Variants in RAB11FIP3 observed in about 807,000 individuals in gnomAD.
RAB11FIP3 encodes rab11 family-interacting protein 3.
RAB11FIP3 carries 17 observed loss-of-function variants against 77.8 expected under a neutral mutation model. The observed-to-expected ratio is 0.22, with a 90% CI of 0.15 to 0.33. The LOEUF (loss-of-function observed/expected upper bound fraction) is 0.33. RAB11FIP3 is among the 10% of genes least tolerant of loss of function. RAB11FIP3 has a pLI of 1.00. For missense variants in RAB11FIP3, 1,005 were observed against 1,011.2 expected (o/e 0.99, Z 0.08); for synonymous variants, 437 against 448.2 (o/e 0.98, Z 0.31).
chr16:494,931 T>G, intron 5 of RAB11FIP3, among the ~76,000 whole-genome samples: 3 of 133,860 alleles, frequency 2.2e-5, no homozygotes, highest in Non-Finnish European at 3.1e-5. Flanking sequence ...GCTGCTGAGG[T>G]GGGAGGATCA....
intron 1 of RAB11FIP3, among the ~76,000 whole-genome samples, chr16:447,978 T>C (rs1048243797): frequency 7.7e-6 from 1 of 130,470 alleles, no homozygotes; most frequent in Non-Finnish European, 1.8e-5. Flanking sequence ...GGAACAAAAT[T>C]AAAAAAGGAA....
intron 1 of RAB11FIP3, among the ~76,000 whole-genome samples, chr16:449,337 G>C (rs537202274): frequency 6.6e-6 from 1 of 152,312 alleles, no homozygotes; most frequent in African/African-American, 2.4e-5. Flanking sequence ...TGAGGTTATA[G>C]AACTGAGGAC....
At chr16:499,703 TAGG>T (rs2031382416) in intron 6 of RAB11FIP3, among the ~76,000 whole-genome samples, 1 of 145,852 alleles carries the variant, frequency 6.9e-6, no homozygotes, top group African/African-American at 2.6e-5. Flanking sequence ...GAGCCTGAGG[TAGG>T]AGAACTGCTT....
At chr16:469,296 G>A (rs1018743405) in intron 2 of RAB11FIP3, among the ~76,000 whole-genome samples, 66 of 152,022 alleles carry the variant, frequency 4.3e-4, no homozygotes, top group African/African-American at 1.6e-3. Context: ...CTATGGTCTC[G>A]AACTCCTGAA....
chr16:431,037 T>G (rs889757034), intron 1 of RAB11FIP3, among the ~76,000 whole-genome samples: 3 of 152,122 alleles, frequency 2.0e-5, no homozygotes, highest in African/African-American at 7.2e-5. Context: ...CTCTTAGCCT[T>G]GAATTTGAGT....
Position 488,848 on chromosome 16 carries a change from C to G in RAB11FIP3, c.1116-3C>G. ...AAGACATCATTTCTGTTTTACTTTG[C>G]AGGCCTCACCCCCATGGCCAGTCTG... On this transcript the variant is annotated splice_region_variant and splice_polypyrimidine_tract_variant and intron_variant, in intron 4 of 13. Coordinates refer to ENST00000262305, the MANE Select transcript of RAB11FIP3 (RefSeq NM_014700.4). 1.2e-6 allele frequency: 2 copies of G among 1,613,018 alleles called. No individual in the cohort carries two copies. Among genetic ancestry groups the G allele is most frequent in the Non-Finnish European group, 1.7e-6 (2 of 1,179,420 alleles).
rs537315329 is a variant in RAB11FIP3, at chr16:471,934, G to A, written c.903+545G>A. 5.5e-4 allele frequency among the ~76,000 whole-genome samples: 84 copies of A among 152,276 alleles called. No homozygotes were observed. Among genetic ancestry groups the A allele is most frequent in the Non-Finnish European group, 9.3e-4 (63 of 68,016 alleles). ...GAGCGTAACCATGTCCGCCGGTCTG[G>A]AGGGTTAGATTCCAGGAGAGCCACG... On this transcript the variant is annotated intron_variant, in intron 3 of 13. Coordinates refer to ENST00000262305, the MANE Select transcript of RAB11FIP3 (RefSeq NM_014700.4). The surrounding 1 kb of genome is among the most constrained non-coding windows in gnomAD (Gnocchi z 4.4).
chr16:467,679 C>A (rs1378364667), intron 2 of RAB11FIP3, among the ~76,000 whole-genome samples: 5 of 74,842 alleles, frequency 6.7e-5, no homozygotes, highest in African/African-American at 1.7e-4. Context: ...GGTGCAGGGG[C>A]GTCAGGGAGG....
At position 506,342 on chromosome 16, in the gene RAB11FIP3, C is replaced by T. The variant is rs573097158; in HGVS notation, c.1499+715C>T. 6.6e-6 allele frequency among the ~76,000 whole-genome samples: 1 copy of T among 152,284 alleles called. No individual in the cohort carries two copies. The highest frequency in any genetic ancestry group is 1.9e-4 in the East Asian group (1 of 5,170). The stretch of plus-strand genomic sequence containing the variant: ...GCTACCCAGGCTATGACACCTGTAG[C>T]TGGGCACCGGCAGCCTCTTGTGGGC... On this transcript the variant is annotated intron_variant, in intron 8 of 13. Coordinates refer to ENST00000262305, the MANE Select transcript of RAB11FIP3 (RefSeq NM_014700.4). This position sits in a 1 kb window ranked among gnomAD's most constrained non-coding sequence, Gnocchi z 4.5.
chr16:464,631 C>T lies in RAB11FIP3; in HGVS notation c.808+3134C>T, dbSNP rs114002680. On this transcript the variant is annotated intron_variant, in intron 2 of 13. Transcript: ENST00000262305. ...CCATTATGGGCCAGGCACAGTGGCT[C>T]ATACCTGTAATCCCAGCACTTTGGG... 9.3e-3 allele frequency among the ~76,000 whole-genome samples: 1,421 copies of T among 152,310 alleles called. 20 individuals carry two copies. The highest frequency in any genetic ancestry group is 0.033 in the African/African-American group (1,373 of 41,578).
chr16:464,732 C>CA (rs2055673029), intron 2 of RAB11FIP3, among the ~76,000 whole-genome samples: 2 of 151,968 alleles, frequency 1.3e-5, no homozygotes, highest in South Asian at 4.2e-4. Context: ...CTTGGCTGTG[C>CA]AAAAAAATAA....
At chr16:517,280 C>G (rs1401981221) in intron 9 of RAB11FIP3, among the ~76,000 whole-genome samples, 4 of 151,930 alleles carry the variant, frequency 2.6e-5, no homozygotes, top group Non-Finnish European at 5.9e-5. Context: ...AGACAAAATG[C>G]AGTGTGGGCT....
intron 12 of RAB11FIP3, 57 bp downstream of exon 12, chr16:520,334 G>C: frequency 1.9e-6 from 3 of 1,562,748 alleles, no homozygotes; most frequent in Non-Finnish European, 8.7e-7. Flanking sequence ...CACAAGACTG[G>C]TTGGGAAGGG....
chr16:515,658 G>A (rs974329315), intron 9 of RAB11FIP3, among the ~76,000 whole-genome samples: 14 of 151,336 alleles, frequency 9.3e-5, no homozygotes, highest in Admixed American at 6.6e-4. Flanking sequence ...GACACACACC[G>A]GTGTTTGCAT....
intron 10 of RAB11FIP3, 151 bp downstream of exon 10, chr16:519,175 G>T: frequency 1.3e-6 from 1 of 757,938 alleles, no homozygotes. Context: ...GCCGCTGGAA[G>T]ACACTGGACC....
intron 9 of RAB11FIP3, among the ~76,000 whole-genome samples, chr16:513,371 T>C (rs144033517): frequency 4.7e-4 from 72 of 152,088 alleles, no homozygotes; most frequent in South Asian, 3.3e-3. Flanking sequence ...AAGTGTGCTC[T>C]ATCATACCTG....
intron 1 of RAB11FIP3, among the ~76,000 whole-genome samples, chr16:444,183 C>T (rs1038496527): frequency 6.6e-6 from 1 of 152,122 alleles, no homozygotes; most frequent in African/African-American, 2.4e-5. Flanking sequence ...GGGTTTCTTT[C>T]TTTTGTGGTA....
At chr16:470,804 AAG>A (rs2055794762) in intron 2 of RAB11FIP3, among the ~76,000 whole-genome samples, 1 of 152,224 alleles carries the variant, frequency 6.6e-6, no homozygotes, top group African/African-American at 2.4e-5. Flanking sequence ...TAAGCAAAAA[AAG>A]AAAATAAAAT....
At chr16:455,750 G>A (rs1330459776) in intron 1 of RAB11FIP3, among the ~76,000 whole-genome samples, 1 of 152,000 alleles carries the variant, frequency 6.6e-6, no homozygotes, top group Non-Finnish European at 1.5e-5. Context: ...CACGTGGACC[G>A]ACGAATTTTT....
Sources: allele counts gnomAD v4.1 joint callset (sites outside exome capture counted in the v4.1 genomes callset), GRCh38; gene constraint gnomAD v4.1.1; non-coding constraint Gnocchi (gnomAD v3.1); transcripts MANE v1.5; gene names NCBI Gene and HGNC (gene_info 2026-07-23, HGNC 2026-07-21).